Variants in DMD observed in about 807,000 individuals in gnomAD.
The protein encoded by DMD is dystrophin.
Under a neutral mutation model 330.1 loss-of-function variants are expected in DMD, and 63 were observed. That is an observed-to-expected ratio of 0.19 (90% CI 0.16 to 0.24). The LOEUF is 0.24. DMD is among the 10% of genes least tolerant of loss of function. DMD has a pLI of 1.00. For synonymous variants in DMD, 1,223 were observed against 959.8 expected, an observed-to-expected ratio of 1.27 and a Z score of -5.07; for missense variants, 3,344 against 2,684.1, an observed-to-expected ratio of 1.25 and a Z score of -5.43.
rs1044412403 is a variant in DMD at position 32,999,581 on chromosome X, T to C, written c.93+20558A>G. Among the ~76,000 whole-genome samples, 3 of 110,711 alleles carry C rather than the reference T, an allele frequency of 2.7e-5. No homozygotes were observed. In the Admixed American group the frequency reaches 2.9e-4, roughly 11 times the overall value. On this transcript the variant is annotated intron_variant, in intron 2 of 78. Transcript: ENST00000357033. ...ATCACGAGGTCAGGAGATTGAGCCATCCTGGCTAACATGGTGAAACCCCGC... is the reference window on the plus strand; with the variant it reads ...ATCACGAGGTCAGGAGATTGAGCCACCCTGGCTAACATGGTGAAACCCCGC...
chrX:32,667,767 G>GTTTTTTT lies in DMD; in HGVS notation c.961-22622_961-22616dup, dbSNP rs201162726. On this transcript the variant is annotated intron_variant, in intron 9 of 78. Coordinates refer to ENST00000357033, the MANE Select transcript of DMD (RefSeq NM_004006.3). ...AGTTCTCACCATTCTCTGCTTTTGT[G>GTTTTTTT]TTTTTTTTTTTTTTTTTTCCAGTTT... Among the ~76,000 whole-genome samples the GTTTTTTT allele has an allele frequency of 3.5e-3, 287 of 81,605 alleles. 2 individuals carry two copies. Among genetic ancestry groups the GTTTTTTT allele is most frequent in the African/African-American group, 0.014 (274 of 19,781 alleles). 70.9% of individuals were successfully genotyped at this position (81,605 alleles called of 115,157 possible).
At chrX:32,182,677 T>A (rs1416867658) in intron 44 of DMD, among the ~76,000 whole-genome samples, 1 of 112,115 alleles carries the variant, frequency 8.9e-6, no homozygotes, top group African/African-American at 3.2e-5. Flanking sequence ...ACATTTTATA[T>A]CTTCCAATAA....
At chrX:31,333,651 G>T (rs1414870022) in intron 61 of DMD, among the ~76,000 whole-genome samples, 1 of 109,475 alleles carries the variant, frequency 9.1e-6, no homozygotes, top group Non-Finnish European at 1.9e-5. Context: ...AATCCCTTCT[G>T]TCCCTAACTC....
At chrX:32,396,564 T>C (rs751643453) in intron 30 of DMD, among the ~76,000 whole-genome samples, 2 of 111,447 alleles carry the variant, frequency 1.8e-5, no homozygotes, top group South Asian at 7.5e-4. Context: ...TTAATATATA[T>C]TGTGTATATC....
intron 26 of DMD, among the ~76,000 whole-genome samples, chrX:32,453,312 C>T (rs1483439563): frequency 9.0e-6 from 1 of 110,744 alleles, no homozygotes; most frequent in Non-Finnish European, 1.9e-5. Flanking sequence ...GATAAATATG[C>T]TATTGCTAGA....
At chrX:33,058,674 A>G (rs185751383) in intron 1 of DMD, among the ~76,000 whole-genome samples, 284 of 111,043 alleles carry the variant, frequency 2.6e-3, no homozygotes, top group African/African-American at 9.0e-3. Context: ...ATTTAGATTT[A>G]GTAGATATTG....
At chrX:31,717,863 C>T (rs2085174369) in intron 52 of DMD, among the ~76,000 whole-genome samples, 1 of 112,156 alleles carries the variant, frequency 8.9e-6, no homozygotes, top group African/African-American at 3.2e-5. Context: ...CAAGGACTCC[C>T]TGCCTTTCCT....
intron 62 of DMD, among the ~76,000 whole-genome samples, chrX:31,284,744 T>C (rs941345991): frequency 3.7e-5 from 4 of 108,041 alleles, no homozygotes; most frequent in Non-Finnish European, 7.6e-5. Context: ...CCAAGAACTG[T>C]TTCTTTTGAT....
intron 7 of DMD, among the ~76,000 whole-genome samples, chrX:32,745,299 T>C (rs967724336): frequency 3.8e-4 from 43 of 112,361 alleles, no homozygotes; most frequent in Non-Finnish European, 7.5e-4. Context: ...TGATGATCAA[T>C]CAGCATTTTA....
intron 1 of DMD, among the ~76,000 whole-genome samples, chrX:33,100,684 T>C (rs1400321375): frequency 9.0e-6 from 1 of 110,856 alleles, no homozygotes; most frequent in African/African-American, 3.3e-5. Context: ...AGAGCAAAAC[T>C]CCGTCTCAAA....
At chrX:31,361,380 G>C (rs1373757672) in intron 60 of DMD, among the ~76,000 whole-genome samples, 2 of 111,570 alleles carry the variant, frequency 1.8e-5, no homozygotes, top group Non-Finnish European at 3.8e-5. Context: ...GCAAAGATGG[G>C]ACATGAAAAA....
chrX:32,629,842 CTT>C (rs1602318623), intron 11 of DMD, among the ~76,000 whole-genome samples: 2 of 109,364 alleles, frequency 1.8e-5, no homozygotes, highest in African/African-American at 6.6e-5. Flanking sequence ...TCCCCCCACT[CTT>C]TTTGTTGTTT....
chrX:31,349,935 A>G (rs1194989890), intron 60 of DMD, among the ~76,000 whole-genome samples: 1 of 111,196 alleles, frequency 9.0e-6, no homozygotes, highest in Non-Finnish European at 1.9e-5. Flanking sequence ...TCTCAAACCA[A>G]CTCTGGCCTT....
intron 1 of DMD, among the ~76,000 whole-genome samples, chrX:33,083,151 C>A (rs897026140): frequency 1.8e-5 from 2 of 111,762 alleles, no homozygotes; most frequent in Non-Finnish European, 3.8e-5. Context: ...TCCAGAAGAA[C>A]GGAGTGGCGT....
At chrX:33,216,692 T>G (rs1406108835) in intron 1 of DMD, among the ~76,000 whole-genome samples, 1 of 112,340 alleles carries the variant, frequency 8.9e-6, no homozygotes, top group East Asian at 2.8e-4. Context: ...ATATAAAGCA[T>G]AATTTTTATT....
At chrX:32,286,519 C>A (rs891030418) in intron 43 of DMD, among the ~76,000 whole-genome samples, 6 of 111,384 alleles carry the variant, frequency 5.4e-5, no homozygotes, top group Non-Finnish European at 1.1e-4. Context: ...AAGAAATAAG[C>A]AGTGAGGCTG....
chrX:32,764,323 T>C (rs1003856505), intron 7 of DMD, among the ~76,000 whole-genome samples: 1 of 111,445 alleles, frequency 9.0e-6, no homozygotes, highest in Non-Finnish European at 1.9e-5. Flanking sequence ...ATAAAACATA[T>C]AATTCTAATC....
chrX:32,186,848 G>A (rs182633238), intron 44 of DMD, among the ~76,000 whole-genome samples: 1 of 110,802 alleles, frequency 9.0e-6, no homozygotes, highest in East Asian at 2.8e-4. Context: ...AGGTGGGGAA[G>A]AGAGTAAAGA....
At chrX:32,953,132 CAAAAA>C in intron 2 of DMD, among the ~76,000 whole-genome samples, 1 of 48,347 alleles carries the variant, frequency 2.1e-5, no homozygotes, top group Admixed American at 2.6e-4. Flanking sequence ...AAGACTCCAC[CAAAAA>C]AAAAAAAAAA....
Sources: allele counts gnomAD v4.1 joint callset (sites outside exome capture counted in the v4.1 genomes callset), GRCh38; gene constraint gnomAD v4.1.1; transcripts MANE v1.5; gene names NCBI Gene and HGNC (gene_info 2026-07-23, HGNC 2026-07-21).